Variants in GON4L observed in about 807,000 individuals in gnomAD.
GON4L encodes the protein gon-4 like.
In GON4L, 87 loss-of-function variants were observed where a neutral mutation model predicts 211.8. That is an observed-to-expected ratio of 0.41 (90% CI 0.35 to 0.49). GON4L has a LOEUF of 0.49. GON4L is among the 20% of genes least tolerant of loss of function. GON4L has a pLI of 0.15. For synonymous variants in GON4L, 875 were observed against 962.6 expected, an observed-to-expected ratio of 0.91 and a Z score of 1.68; for missense variants, 2,155 against 2,659.5, an observed-to-expected ratio of 0.81 and a Z score of 4.17.
chr1:155,747,924 T>C (rs747751915), downstream of GON4L: 2 of 1,558,214 alleles, frequency 1.3e-6, no homozygotes, highest in African/African-American at 2.7e-5. Context: ...GAGTAAACAT[T>C]CGAATCCCAT....
intron 11 of GON4L, among the ~76,000 whole-genome samples, chr1:155,799,277 A>T (rs1666401789): frequency 6.6e-6 from 1 of 152,188 alleles, no homozygotes; most frequent in Admixed American, 6.5e-5. Flanking sequence ...TCTACTAAAA[A>T]TACAAAATTA....
chr1:155,800,123 T>A lies in GON4L; in HGVS notation c.1645+4826A>T, dbSNP rs1027654086. Among the ~76,000 whole-genome samples the A allele has an allele frequency of 2.0e-5, 3 of 151,478 alleles. No individual in the cohort carries two copies. The South Asian group carries it at 6.3e-4, about 32-fold the overall frequency. ...CTGAGGCAGGAAAATCGCTTGAACC[T>A]GGGAGGCAGAGGTTGCGGTGAGCTG... is the stretch of plus-strand genomic sequence containing the variant. On this transcript the variant is annotated intron_variant, in intron 11 of 31. Coordinates refer to ENST00000368331, the MANE Select transcript of GON4L (RefSeq NM_001282860.2).
intron 2 of GON4L, among the ~76,000 whole-genome samples, chr1:155,836,957 C>A (rs1167478815): frequency 1.3e-5 from 2 of 152,082 alleles, no homozygotes; most frequent in African/African-American, 4.8e-5. Context: ...TATTCTATGG[C>A]CCCAACTGTG....
At chr1:155,820,275 A>C (rs939550624) in intron 6 of GON4L, among the ~76,000 whole-genome samples, 1 of 152,188 alleles carries the variant, frequency 6.6e-6, no homozygotes, top group Non-Finnish European at 1.5e-5. Flanking sequence ...TTTTTATGCA[A>C]CTGGCCCCTG....
intron 22 of GON4L, among the ~76,000 whole-genome samples, chr1:155,763,011 G>C (rs1662001359): frequency 6.6e-6 from 1 of 151,532 alleles, no homozygotes; most frequent in African/African-American, 2.4e-5. Context: ...ACTCCAGCCT[G>C]GGCGACAGAG....
chr1:155,765,650 C>A lies in GON4L; in HGVS notation c.3823G>T (p.Asp1275Tyr), dbSNP rs1415907033. ...GACAATCCTTCTTGGCACTCTGCAT[C>A]TGCTAGTGGAGGCCCTGGGCTATGT... ...VEHSPGPPLA[D>Y]AECQEGLSEN... The change falls in exon 21 of 32, where the codon GAT (aspartate) becomes TAT (tyrosine). Residue 1275 changes from aspartate (D) to tyrosine (Y), a missense_variant. Asp to Tyr is a radical substitution (Grantham distance 160). Around this residue, in one of 6 missense-constraint regions of GON4L, gnomAD observed 615 missense variants for 625.7 expected, o/e 0.98. Coordinates refer to ENST00000368331, the MANE Select transcript of GON4L (RefSeq NM_001282860.2). The A allele has an allele frequency of 6.2e-7, 1 of 1,614,200 alleles. No homozygotes were observed. Among genetic ancestry groups the A allele is most frequent in the Admixed American group, 1.7e-5 (1 of 60,026 alleles).
At chr1:155,788,567 G>A (rs1023008848) in intron 12 of GON4L, among the ~76,000 whole-genome samples, 2 of 151,990 alleles carry the variant, frequency 1.3e-5, no homozygotes, top group Non-Finnish European at 2.9e-5. Flanking sequence ...AGCTTTATTC[G>A]TTACCCAAAA....
intron 10 of GON4L, among the ~76,000 whole-genome samples, chr1:155,805,901 G>A (rs1334432864): frequency 6.6e-6 from 1 of 151,578 alleles, no homozygotes; most frequent in African/African-American, 2.4e-5. Context: ...TGTTGGGCAC[G>A]CTGGTCTCGA....
chr1:155,853,051 G>A (rs1459505058), intron 2 of GON4L, among the ~76,000 whole-genome samples: 1 of 152,040 alleles, frequency 6.6e-6, no homozygotes, highest in African/African-American at 2.4e-5. Flanking sequence ...GGTGGAGGCT[G>A]CAGTGAGTCA....
At position 155,758,171 on chromosome 1, in the gene GON4L, T is replaced by C. The variant is rs370289563; in HGVS notation, c.5110-137A>G. On this transcript the variant is annotated intron_variant, in intron 24 of 31. Transcript: ENST00000368331. ...GGTTTAAAATTCTAGTTTACAACTA[T>C]TGAGATCTAATTTAAAACCCTAACC... 477 of 179,096 alleles carry C rather than the reference T, an allele frequency of 2.7e-3. 12 individuals carry two copies. The East Asian group carries it at 0.058, about 22-fold the overall frequency. The allele number at this position is 179,096 out of a possible 1,614,324, so 11.1% of individuals were successfully genotyped here.
At position 155,752,116 on chromosome 1, in the gene GON4L, G is replaced by C; in HGVS notation, c.6317C>G (p.Thr2106Ser). The change falls in exon 30 of 32, where the codon ACT becomes AGT. Residue 2106 changes from threonine to serine, a missense_variant. Physicochemically the swap from Thr to Ser is moderately conservative, Grantham distance 58. Coordinates refer to ENST00000368331, the MANE Select transcript of GON4L (RefSeq NM_001282860.2). The stretch of plus-strand genomic sequence containing the variant: ...ACCCCCTCTAGGGGCTTTGGGAGAA[G>C]TCTCTGAGGTGTCAATTCCTGATGG... ...ESPSGIDTSE[T>S]SPKAPRGGLA... The C allele has an allele frequency of 6.2e-7, 1 of 1,613,480 alleles. No homozygotes were observed. The highest frequency in any genetic ancestry group is 8.5e-7 in the Non-Finnish European group (1 of 1,179,472).
chr1:155,759,967 A>T (rs954931045), intron 24 of GON4L, among the ~76,000 whole-genome samples: 103 of 115,248 alleles, frequency 8.9e-4, no homozygotes, highest in Non-Finnish European at 1.2e-3. Flanking sequence ...TTTATATATT[A>T]TATATATATA....
intron 28 of GON4L, 104 bp downstream of exon 28, chr1:155,754,271 A>G (rs1660918374): frequency 2.6e-6 from 2 of 783,456 alleles, no homozygotes; most frequent in Non-Finnish European, 2.3e-6. Flanking sequence ...ACTGAATGTT[A>G]TTTATATATG....
At chr1:155,763,750 C>G (rs1371947030) in intron 21 of GON4L, among the ~76,000 whole-genome samples, 186 bp from the exon 22 acceptor site, 1 of 152,160 alleles carries the variant, frequency 6.6e-6, no homozygotes, top group African/African-American at 2.4e-5. Context: ...CGCCTGTAAT[C>G]CTGACACTTT....
At chr1:155,847,321 C>T (rs1360314964) in intron 2 of GON4L, among the ~76,000 whole-genome samples, 1 of 151,960 alleles carries the variant, frequency 6.6e-6, no homozygotes, top group Non-Finnish European at 1.5e-5. Flanking sequence ...AATCCCAGCA[C>T]TTTGGGAGGC....
chr1:155,853,640 T>C lies in GON4L; in HGVS notation c.141A>G (p.Leu47=), dbSNP rs745524743. The C allele has an allele frequency of 5.0e-6, 8 of 1,614,060 alleles. No homozygotes were observed. The African/African-American group carries it at 8.0e-5, about 16-fold the overall frequency. ...CTCTGCCATGACTTGGATCCCAGGA[T>C]AGTGACACCGAACTCAAGTCCTTAA... ...DQVKDLSSVS[L]SWDPSHGRVA... Residue 47 remains leucine, a synonymous_variant, in exon 2 of 32, where the codon CTA becomes CTG. Coordinates refer to ENST00000368331, the MANE Select transcript of GON4L (RefSeq NM_001282860.2).
At chr1:155,749,118 G>T (rs1004118038), downstream of GON4L, among the ~76,000 whole-genome samples, 7 of 152,076 alleles carry the variant, frequency 4.6e-5, no homozygotes, top group African/African-American at 9.7e-5. Context: ...CAGGCATGGT[G>T]GCACATGCCT....
chr1:155,789,959 C>G (rs569767480), intron 12 of GON4L, among the ~76,000 whole-genome samples: 1 of 152,186 alleles, frequency 6.6e-6, no homozygotes, highest in South Asian at 2.1e-4. Flanking sequence ...TTGAGACAAG[C>G]TCTCACTCTG....
chr1:155,816,773 T>TTA (rs377228820), intron 6 of GON4L, among the ~76,000 whole-genome samples: 22,530 of 79,446 alleles, frequency 0.28, 3,681 homozygotes, highest in East Asian at 0.57. Flanking sequence ...TTTTTTTTCT[T>TTA]AAAAAAAAAA....
Sources: allele counts gnomAD v4.1 joint callset (sites outside exome capture counted in the v4.1 genomes callset), GRCh38; gene constraint gnomAD v4.1.1; regional missense constraint gnomAD v4.1.1; transcripts MANE v1.5; gene names NCBI Gene and HGNC (gene_info 2026-07-23, HGNC 2026-07-21).